The following RCC2 variants were observed in gnomAD, a reference collection of about 807,000 sequenced individuals.
The protein encoded by RCC2 is protein RCC2.
In RCC2, 19 loss-of-function variants were observed where a neutral mutation model predicts 64.1. That is an observed-to-expected ratio of 0.30 (90% confidence interval 0.21 to 0.44). The LOEUF (loss-of-function observed/expected upper bound fraction) is 0.44, where lower values mean the gene tolerates loss of function less well. RCC2 is among the 20% of genes least tolerant of loss of function. The pLI, the probability that RCC2 is intolerant of heterozygous loss-of-function variation, is 1.00. For synonymous variants in RCC2, 325 were observed against 279.6 expected (o/e 1.16, Z -1.62); for missense variants, 508 against 710.4 (o/e 0.72, Z 3.24).
At position 17,412,174 on chromosome 1, in the gene RCC2, G is replaced by A; in HGVS notation, c.1334C>T (p.Ala445Val). 6.2e-7 allele frequency: 1 copy of A among 1,614,116 alleles called. No individual in the cohort carries two copies. Among genetic ancestry groups the A allele is most frequent in the Non-Finnish European group, 8.5e-7 (1 of 1,179,996 alleles). The change falls in exon 11 of 13, where the codon GCC (alanine) becomes GTC (valine). Residue 445 changes from alanine to valine, a missense_variant. Coordinates refer to ENST00000375436, the MANE Select transcript of RCC2 (RefSeq NM_018715.4). ...LACGKSSIIV[A>V]ADESTISWGP... ...CCAGCTGATGGTGCTCTCATCGGCGGCCACAATGATGCTGCTCTTCCTGCA... is the reference window on the plus strand; with the variant it reads ...CCAGCTGATGGTGCTCTCATCGGCGACCACAATGATGCTGCTCTTCCTGCA...
intron 7 of RCC2, among the ~76,000 whole-genome samples, chr1:17,418,438 C>A (rs552066003): frequency 2.6e-5 from 4 of 152,264 alleles, no homozygotes; most frequent in South Asian, 2.1e-4. Context: ...GTCGGCGGAT[C>A]ACGAGGTCAA....
At chr1:17,413,877 T>A (rs1570175192) in intron 8 of RCC2, among the ~76,000 whole-genome samples, 160 bp from the exon 9 acceptor site, 1 of 152,330 alleles carries the variant, frequency 6.6e-6, no homozygotes, top group Non-Finnish European at 1.5e-5. Flanking sequence ...TCACATCTAA[T>A]CCCAACACTT....
At position 17,409,004 on chromosome 1, in the gene RCC2, A is replaced by AT; in HGVS notation, c.*85_*86insA. The AT allele has an allele frequency of 9.2e-7, 1 of 1,089,364 alleles. No individual in the cohort carries two copies. Among genetic ancestry groups the AT allele is most frequent in the Non-Finnish European group, 1.4e-6 (1 of 708,128 alleles). The allele number at this position is 1,089,364 out of a possible 1,614,324, so 67.5% of individuals were successfully genotyped here. On this transcript the variant is annotated 3_prime_UTR_variant, in exon 13 of 13. Transcript: ENST00000375436. ...CCTTCGGTCAACTTTTGCTTTTTTAAATTCCTCGTTTGACTTCCCGTCCCA... is the reference window on the plus strand; with the variant it reads ...CCTTCGGTCAACTTTTGCTTTTTTAATATTCCTCGTTTGACTTCCCGTCCCA...
intron 1 of RCC2, among the ~76,000 whole-genome samples, chr1:17,438,935 GT>G (rs2075775127): frequency 1.3e-5 from 2 of 152,178 alleles, no homozygotes; most frequent in South Asian, 4.1e-4. Flanking sequence ...CACCTGGGTG[GT>G]AAGGGAGCCC....
intron 1 of RCC2, 146 bp from the exon 2 acceptor site, chr1:17,438,668 G>C (rs1356937615): frequency 1.3e-6 from 1 of 768,942 alleles, no homozygotes; most frequent in Admixed American, 4.4e-5. Flanking sequence ...GAGGGGGCGA[G>C]TTGGGAGAGG....
intron 10 of RCC2, 50 bp downstream of exon 10, chr1:17,413,023 C>A (rs372266627): frequency 2.2e-6 from 3 of 1,383,450 alleles, no homozygotes; most frequent in Non-Finnish European, 2.1e-6. Flanking sequence ...GTGTCTGACA[C>A]CCCCATGAAA....
At chr1:17,416,447 G>GACTCTCAGGAAGTGAGAA (rs2075486187) in intron 8 of RCC2, 33 bp downstream of exon 8, 2 of 1,584,294 alleles carry the variant, frequency 1.3e-6, no homozygotes, top group Admixed American at 3.4e-5. Flanking sequence ...ATCCTGGTGC[G>GACTCTCAGGAAGTGAGAA]ACTCTCAGGA....
intron 7 of RCC2, among the ~76,000 whole-genome samples, chr1:17,416,947 GTAT>G (rs908845548): frequency 8.5e-5 from 13 of 152,166 alleles, no homozygotes; most frequent in African/African-American, 3.1e-4. Flanking sequence ...TCCAGGTAAG[GTAT>G]TATACGTTCA....
At chr1:17,420,580 C>T (rs573209348) in intron 7 of RCC2, 134 bp downstream of exon 7, 1 of 521,298 alleles carries the variant, frequency 1.9e-6, no homozygotes, top group African/African-American at 1.9e-5. Context: ...ACGTGAGATC[C>T]ACTTAACGGA....
intron 1 of RCC2, 39 bp from the exon 2 acceptor site, chr1:17,438,561 G>T (rs769361928): frequency 7.7e-7 from 1 of 1,290,414 alleles, no homozygotes; most frequent in Non-Finnish European, 9.8e-7. Context: ...CAATGGACGG[G>T]TTATAAACTG....
chr1:17,414,961 T>G (rs986516009), intron 8 of RCC2, among the ~76,000 whole-genome samples: 1 of 152,188 alleles, frequency 6.6e-6, no homozygotes, highest in African/African-American at 2.4e-5. Flanking sequence ...GGTACAGAGG[T>G]AACCTGTACC....
intron 3 of RCC2, among the ~76,000 whole-genome samples, chr1:17,425,912 C>T (rs1432874751): frequency 6.6e-6 from 1 of 152,184 alleles, no homozygotes; most frequent in Non-Finnish European, 1.5e-5. Flanking sequence ...CTGGCACAGG[C>T]CTGGCGTCAC....
rs375043018 is a variant in RCC2 at position 17,410,006 on chromosome 1, C to A, written c.1432G>T (p.Val478Leu). 2 of 1,613,992 alleles carry A rather than the reference C, an allele frequency of 1.2e-6. No homozygotes were observed. Among genetic ancestry groups the A allele is most frequent in the Non-Finnish European group, 1.7e-6 (2 of 1,179,900 alleles). ...GAGAAAATGCCATCCAGAGTCTTTA[C>A]CTCCTGGGCTGCAGTGGAAGACTTG... The part of the protein sequence containing the change: ...KPKSSTAAQE[V>L]KTLDGIFSEQ... Residue 478 changes from valine (V) to leucine (L), a missense_variant, in exon 12 of 13, where the codon GTA becomes TTA. Transcript: ENST00000375436.
chr1:17,412,264 G>A, intron 10 of RCC2, 70 bp from the exon 11 acceptor site: 5 of 1,447,722 alleles, frequency 3.5e-6, no homozygotes. Flanking sequence ...TATGGCTCAA[G>A]GGCATGAGTG....
At chr1:17,414,710 C>A (rs2075464411) in intron 8 of RCC2, among the ~76,000 whole-genome samples, 1 of 152,012 alleles carries the variant, frequency 6.6e-6, no homozygotes, top group Non-Finnish European at 1.5e-5. Context: ...CGGCTCACCA[C>A]AACCTCCACC....
At chr1:17,428,112 T>G (rs11577822) in intron 3 of RCC2, among the ~76,000 whole-genome samples, 56,684 of 152,122 alleles carry the variant, frequency 0.37, 10,740 homozygotes, top group African/African-American at 0.43. Flanking sequence ...TGGTATTTAC[T>G]GCCCTTCCCT....
At position 17,416,582 on chromosome 1, in the gene RCC2, A is replaced by G; in HGVS notation, c.924T>C (p.Val308=). ...AQRIEYDCEL[V]PRRVAIFIEK... ...CAATGAAGATGGCCACTCGCCGGGG[A>G]ACTAGTTCACAGTCGTACTCTATCC... The change falls in exon 8 of 13, where the codon GTT becomes GTC. Residue 308 remains valine, a synonymous_variant. Coordinates refer to ENST00000375436, the MANE Select transcript of RCC2 (RefSeq NM_018715.4). 6.2e-7 allele frequency: 1 copy of G among 1,614,026 alleles called. No individual in the cohort carries two copies. Among genetic ancestry groups the G allele is most frequent in the South Asian group, 1.1e-5 (1 of 91,072 alleles).
At chr1:17,438,046 C>A (rs1219485206) in intron 2 of RCC2, among the ~76,000 whole-genome samples, 184 bp downstream of exon 2, 1 of 146,856 alleles carries the variant, frequency 6.8e-6, no homozygotes, top group Non-Finnish European at 1.5e-5. Context: ...GCCGCGCGCC[C>A]CGTACCGAGC....
chr1:17,422,607 G>A lies in RCC2; in HGVS notation c.655+98C>T, dbSNP rs897487758. 30 of 1,474,758 alleles carry A rather than the reference G, an allele frequency of 2.0e-5. No individual in the cohort carries two copies. The Admixed American group carries it at 6.1e-4, about 30-fold the overall frequency. The allele number at this position is 1,474,758 out of a possible 1,614,324, so 91.4% of individuals were successfully genotyped here. ...GGCCTCTTTCTGATCCTGACCAAGAGTCACAAGGGGAACTCCACCACCCCA... is the reference window on the plus strand; with the variant it reads ...GGCCTCTTTCTGATCCTGACCAAGAATCACAAGGGGAACTCCACCACCCCA... On this transcript the variant is annotated intron_variant, in intron 5 of 12. Coordinates refer to ENST00000375436, the MANE Select transcript of RCC2 (RefSeq NM_018715.4).
Sources: allele counts gnomAD v4.1 joint callset (sites outside exome capture counted in the v4.1 genomes callset), GRCh38; gene constraint gnomAD v4.1.1; transcripts MANE v1.5; gene names NCBI Gene and HGNC (gene_info 2026-07-23, HGNC 2026-07-21).